Variants in CACNB2 observed in about 807,000 individuals in gnomAD.
CACNB2 encodes calcium voltage-gated channel auxiliary subunit beta 2.
CACNB2 carries 42 observed loss-of-function variants against 73.3 expected under a neutral mutation model. The observed-to-expected ratio is 0.57, with a 90% CI of 0.45 to 0.74. CACNB2 has a LOEUF of 0.74. Among genes scored for constraint, CACNB2 ranks in the 30% least tolerant of loss-of-function variants. The pLI is 0.00. For synonymous variants in CACNB2, 348 were observed against 310.3 expected, an observed-to-expected ratio of 1.12 and a Z score of -1.28; for missense variants, 940 against 853.0, an observed-to-expected ratio of 1.10 and a Z score of -1.27.
At chr10:18,280,051 C>G (rs1293083009) in intron 2 of CACNB2, among the ~76,000 whole-genome samples, 1 of 152,144 alleles carries the variant, frequency 6.6e-6, no homozygotes, top group Non-Finnish European at 1.5e-5. Flanking sequence ...TGCACTCCAG[C>G]CTGGGCAACA....
intron 2 of CACNB2, chr10:18,260,390 C>T (rs755858746): frequency 3.5e-5 from 34 of 969,454 alleles, no homozygotes; most frequent in Non-Finnish European, 4.2e-5. Flanking sequence ...GGATCAAATT[C>T]GCCTTCCAGA....
intron 2 of CACNB2, among the ~76,000 whole-genome samples, chr10:18,355,022 A>G (rs1295435242): frequency 6.6e-6 from 1 of 152,208 alleles, no homozygotes; most frequent in African/African-American, 2.4e-5. Flanking sequence ...TATCATGTAA[A>G]TTACCTTGAG....
intron 3 of CACNB2, among the ~76,000 whole-genome samples, chr10:18,424,262 TC>T: frequency 6.6e-6 from 1 of 152,268 alleles, no homozygotes; most frequent in East Asian, 1.9e-4. Context: ...TTACAGCTCC[TC>T]TACTGCCCCT....
At chr10:18,536,325 C>A (rs141676356) in intron 12 of CACNB2, 129 bp downstream of exon 12, 2 of 588,102 alleles carry the variant, frequency 3.4e-6, no homozygotes, top group Non-Finnish European at 5.7e-6. Context: ...GTGGTATGGT[C>A]TTAGCTCACT....
At chr10:18,207,153 C>T (rs1338133137) in intron 2 of CACNB2, among the ~76,000 whole-genome samples, 4 of 152,090 alleles carry the variant, frequency 2.6e-5, no homozygotes, top group African/African-American at 9.7e-5. Flanking sequence ...AGACTACAGG[C>T]GTGAGCCACC....
At chr10:18,367,954 A>G (rs2042423487) in intron 2 of CACNB2, among the ~76,000 whole-genome samples, 1 of 152,208 alleles carries the variant, frequency 6.6e-6, no homozygotes, top group African/African-American at 2.4e-5. Flanking sequence ...ATGTTAAAGA[A>G]TATATTTTGG....
intron 2 of CACNB2, among the ~76,000 whole-genome samples, chr10:18,198,549 G>C (rs1254377973): frequency 6.6e-6 from 1 of 152,152 alleles, no homozygotes; most frequent in African/African-American, 2.4e-5. Flanking sequence ...TGACATTGAT[G>C]AAAAATGTTA....
chr10:18,496,185 C>CAGTCTCA (rs2049801764), intron 3 of CACNB2, among the ~76,000 whole-genome samples: 21 of 84,076 alleles, frequency 2.5e-4, no homozygotes, highest in African/African-American at 7.5e-4. Context: ...GACTCAGTCT[C>CAGTCTCA]AAAAAAAAAA....
At chr10:18,251,663 C>T (rs2037096161) in intron 2 of CACNB2, among the ~76,000 whole-genome samples, 1 of 152,200 alleles carries the variant, frequency 6.6e-6, no homozygotes, top group African/African-American at 2.4e-5. Flanking sequence ...TTAATTGACT[C>T]AGTTCCACAG....
rs56090723 is a variant in CACNB2, at chr10:18,253,164, C to T, written c.213+102189C>T. On this transcript the variant is annotated intron_variant, in intron 2 of 13. Coordinates refer to ENST00000324631, the MANE Select transcript of CACNB2 (RefSeq NM_201596.3). The stretch of plus-strand genomic sequence containing the variant: ...TGAGAATCAGAGGATGAGCTAGTGA[C>T]GTGTTTAGAATAGTGACTGGAACTT... Among the ~76,000 whole-genome samples the T allele has an allele frequency of 7.5e-3, 1,140 of 152,208 alleles. 5 individuals carry two copies. The highest frequency in any genetic ancestry group is 0.017 in the Middle Eastern group (5 of 294).
chr10:18,303,328 C>T (rs947086640), intron 2 of CACNB2, among the ~76,000 whole-genome samples: 22 of 152,004 alleles, frequency 1.4e-4, no homozygotes, highest in African/African-American at 5.1e-4. Context: ...CATAGTAAGA[C>T]GTCATCTCTG....
chr10:18,461,175 A>C (rs893544441), intron 3 of CACNB2, among the ~76,000 whole-genome samples: 3 of 152,108 alleles, frequency 2.0e-5, no homozygotes, highest in Non-Finnish European at 2.9e-5. Flanking sequence ...CGGCCTCCCA[A>C]AGTGCTGGGA....
chr10:18,241,891 G>C (rs914331776), intron 2 of CACNB2, among the ~76,000 whole-genome samples: 2 of 151,980 alleles, frequency 1.3e-5, no homozygotes, highest in Admixed American at 1.3e-4. Flanking sequence ...TTTTGAAAGA[G>C]AAGAATTGTA....
chr10:18,414,483 C>CTTTTT (rs11384501), intron 3 of CACNB2, among the ~76,000 whole-genome samples: 9 of 132,176 alleles, frequency 6.8e-5, no homozygotes, highest in African/African-American at 1.5e-4. Context: ...TTACTACTAC[C>CTTTTT]TTTTTTTTTT....
At chr10:18,295,564 A>G (rs1247195729) in intron 2 of CACNB2, among the ~76,000 whole-genome samples, 2 of 152,234 alleles carry the variant, frequency 1.3e-5, no homozygotes, top group African/African-American at 4.8e-5. Flanking sequence ...TGTATATGGT[A>G]CATTTCATTG....
chr10:18,456,436 C>G (rs922588812), intron 3 of CACNB2, among the ~76,000 whole-genome samples: 57 of 152,224 alleles, frequency 3.7e-4, no homozygotes, highest in South Asian at 8.3e-4. Context: ...TACACTCCAG[C>G]CTGGATGACA....
chr10:18,524,873 A>AT (rs1288219834), intron 9 of CACNB2, among the ~76,000 whole-genome samples: 1 of 149,890 alleles, frequency 6.7e-6, no homozygotes, highest in Non-Finnish European at 1.5e-5. Context: ...AAAAAAAAAA[A>AT]AAAAAAATTA....
intron 2 of CACNB2, among the ~76,000 whole-genome samples, chr10:18,272,134 T>C (rs1267406807): frequency 6.6e-6 from 1 of 152,132 alleles, no homozygotes; most frequent in African/African-American, 2.4e-5. Context: ...ATTGGGTGAA[T>C]CAGTTTTTTC....
chr10:18,179,905 G>A (rs541964996), intron 2 of CACNB2, among the ~76,000 whole-genome samples: 2 of 152,244 alleles, frequency 1.3e-5, no homozygotes, highest in African/African-American at 2.4e-5. Flanking sequence ...ACAGAGGGGC[G>A]TGTTATTTTT....
Sources: allele counts gnomAD v4.1 joint callset (sites outside exome capture counted in the v4.1 genomes callset), GRCh38; gene constraint gnomAD v4.1.1; transcripts MANE v1.5; gene names NCBI Gene and HGNC (gene_info 2026-07-23, HGNC 2026-07-21).